The following PHLPP2 variants were observed in gnomAD, a reference collection of about 807,000 sequenced individuals.
PHLPP2 encodes the protein PH domain and leucine rich repeat protein phosphatase 2, also known as PH domain leucine-rich repeat-containing protein phosphatase 2.
PHLPP2 carries 66 observed loss-of-function variants against 124.9 expected under a neutral mutation model. The ratio of observed to expected loss-of-function variants is 0.53; its 90% CI spans 0.43 to 0.65. The LOEUF is 0.65. Ranked by LOEUF, PHLPP2 falls within the 30% of genes least tolerant of loss-of-function variation. The pLI is 0.00. For synonymous variants in PHLPP2, 681 were observed against 624.7 expected (o/e 1.09, Z -1.34); for missense variants, 1,685 against 1,600.4 (o/e 1.05, Z -0.90).
intron 2 of PHLPP2, among the ~76,000 whole-genome samples, chr16:71,711,059 G>C (rs2045320488): frequency 6.6e-6 from 1 of 152,186 alleles, no homozygotes. Context: ...GCCGGGCACG[G>C]TGGCTCATGC....
intron 12 of PHLPP2, 48 bp from the exon 13 acceptor site, chr16:71,664,147 C>A (rs1462939577): frequency 7.8e-7 from 1 of 1,279,458 alleles, no homozygotes. Flanking sequence ...TTATTTGCTG[C>A]CTTCCTATAT....
At chr16:71,708,255 G>A (rs182067887) in intron 2 of PHLPP2, among the ~76,000 whole-genome samples, 54 of 152,262 alleles carry the variant, frequency 3.5e-4, no homozygotes, top group Admixed American at 7.2e-4. Flanking sequence ...CAGATGGCCT[G>A]AGGCAACTGA....
rs376659744 is a variant in PHLPP2 at position 71,669,339 on chromosome 16, A to G, written c.1564T>C (p.Cys522Arg). Reference protein sequence around the residue: ...NLLECVPDWACEAKKIEVLDV... With the variant: ...NLLECVPDWAREAKKIEVLDV... ...AATACTTCTATCTTCTTTGCTTCACAGGCCCAGTCAGGGACACACTCTAGC... is the reference window on the plus strand; with the variant it reads ...AATACTTCTATCTTCTTTGCTTCACGGGCCCAGTCAGGGACACACTCTAGC... The change falls in exon 11 of 19, where the codon TGT becomes CGT. Residue 522 changes from cysteine (C) to arginine (R), a missense_variant. By Grantham distance (180) the Cys-to-Arg change is radical. Transcript: ENST00000568954. 8 of 1,612,068 alleles carry G rather than the reference A, an allele frequency of 5.0e-6. No homozygotes were observed. In the African/African-American group the frequency reaches 9.3e-5, roughly 19 times the overall value.
chr16:71,648,885 G>A lies in PHLPP2; in HGVS notation c.*5C>T, dbSNP rs1567610024. On this transcript the variant is annotated 3_prime_UTR_variant, in exon 19 of 19. Coordinates refer to ENST00000568954, the MANE Select transcript of PHLPP2 (RefSeq NM_015020.3). ...CCTCCTCCCACACTGTGCCCAGTGG[G>A]GCAGTCATAGTGCTGTGTCGAACTC... The A allele has an allele frequency of 1.2e-6, 2 of 1,606,712 alleles. No homozygotes were observed. Among genetic ancestry groups the A allele is most frequent in the Non-Finnish European group, 8.5e-7 (1 of 1,175,288 alleles).
At chr16:71,688,426 A>C (rs1284233864) in intron 4 of PHLPP2, among the ~76,000 whole-genome samples, 1 of 152,196 alleles carries the variant, frequency 6.6e-6, no homozygotes, top group Non-Finnish European at 1.5e-5. Flanking sequence ...GCTCTTTCAT[A>C]GGCAGATATT....
chr16:71,671,079 T>C (rs2044888701), intron 10 of PHLPP2, among the ~76,000 whole-genome samples: 1 of 152,130 alleles, frequency 6.6e-6, no homozygotes, highest in Non-Finnish European at 1.5e-5. Context: ...TTTGAGTTTG[T>C]AGTGGTGTCT....
intron 14 of PHLPP2, 46 bp downstream of exon 14, chr16:71,658,607 C>T: frequency 6.4e-7 from 1 of 1,563,770 alleles, no homozygotes; most frequent in South Asian, 1.2e-5. Flanking sequence ...ATTCACTCTC[C>T]TGCCATTTCC....
intron 3 of PHLPP2, among the ~76,000 whole-genome samples, chr16:71,697,803 C>G (rs543179283): frequency 6.8e-6 from 1 of 146,526 alleles, no homozygotes; most frequent in Admixed American, 6.9e-5. Context: ...TTTGCTCTTT[C>G]TCTCTCTCTC....
chr16:71,689,785 G>C (rs533992804), intron 4 of PHLPP2, among the ~76,000 whole-genome samples: 1 of 152,218 alleles, frequency 6.6e-6, no homozygotes, highest in Admixed American at 6.5e-5. Flanking sequence ...GAGTAGCTGG[G>C]ATTACAGGCA....
chr16:71,655,437 A>C lies in PHLPP2; in HGVS notation c.2391-3T>G. Reference sequence around the variant, plus strand: ...TAGCAAGTGCTGAGACACACAGCCTATAATAGAAACATGAAAACAGAAAAC... The same window carrying C: ...TAGCAAGTGCTGAGACACACAGCCTCTAATAGAAACATGAAAACAGAAAAC... On this transcript the variant is annotated splice_polypyrimidine_tract_variant and splice_region_variant and intron_variant, in intron 16 of 18. Coordinates refer to ENST00000568954, the MANE Select transcript of PHLPP2 (RefSeq NM_015020.3). 6.2e-7 allele frequency: 1 copy of C among 1,601,974 alleles called. No individual in the cohort carries two copies.
chr16:71,703,187 G>C (rs937877746), intron 2 of PHLPP2, among the ~76,000 whole-genome samples: 1 of 152,052 alleles, frequency 6.6e-6, no homozygotes, highest in Admixed American at 6.6e-5. Context: ...CCTAGGTCAA[G>C]TTTTTCTTTA....
rs1169106943 is a variant in PHLPP2 at position 71,647,853 on chromosome 16, T to G, written c.*1037A>C. The G allele has an allele frequency of 6.6e-6, 1 of 152,528 alleles. No homozygotes were observed. Among genetic ancestry groups the G allele is most frequent in the Admixed American group, 6.5e-5 (1 of 15,284 alleles). 9.4% of individuals were successfully genotyped at this position (152,528 alleles called of 1,614,324 possible). A position where few individuals can be genotyped will look rare whatever the true frequency, so the allele number is the denominator to read the frequency against. Reference sequence around the variant, plus strand: ...TCTCAGGAGCTTTCACAGTCTGACATCCAAAAGTTAAATCAACTTCACAGG... The same window carrying G: ...TCTCAGGAGCTTTCACAGTCTGACAGCCAAAAGTTAAATCAACTTCACAGG... On this transcript the variant is annotated 3_prime_UTR_variant, in exon 19 of 19. Transcript: ENST00000568954.
chr16:71,655,393 C>A lies in PHLPP2; in HGVS notation c.2432G>T (p.Gly811Val). Residue 811 changes from glycine to valine, a missense_variant, in exon 17 of 19, where the codon GGG (glycine) becomes GTG (valine). By Grantham distance (109) the Gly-to-Val change is moderately radical. Transcript: ENST00000568954. ...AAACATGCCATACACAGCTCCCACC[C>A]CCTCTGCAAAGCTATCCATAGCAAG... ...SALAMDSFAE[G>V]VGAVYGMFDG... The A allele has an allele frequency of 6.2e-7, 1 of 1,614,132 alleles. No individual in the cohort carries two copies. Among genetic ancestry groups the A allele is most frequent in the Non-Finnish European group, 8.5e-7 (1 of 1,179,990 alleles).
chr16:71,697,586 C>T (rs989447303), intron 3 of PHLPP2, among the ~76,000 whole-genome samples: 2 of 152,080 alleles, frequency 1.3e-5, no homozygotes, highest in East Asian at 1.9e-4. Context: ...TGGAAATATA[C>T]GATGTAATTC....
intron 13 of PHLPP2, among the ~76,000 whole-genome samples, chr16:71,662,725 A>G (rs1850342207): frequency 1.3e-5 from 2 of 152,152 alleles, no homozygotes; most frequent in South Asian, 2.1e-4. Context: ...TTCTGGTGTT[A>G]AATTTTCCAG....
At position 71,648,854 on chromosome 16, in the gene PHLPP2, G is replaced by A; in HGVS notation, c.*36C>T. The A allele has an allele frequency of 6.6e-7, 1 of 1,517,768 alleles. No individual in the cohort carries two copies. The highest frequency in any genetic ancestry group is 9.1e-7 in the Non-Finnish European group (1 of 1,098,754). The allele number at this position is 1,517,768 out of a possible 1,614,324, so 94.0% of individuals were successfully genotyped here. ...TCTAGCAAGTCCCTACCCCAACCCT[G>A]CACAGCCTCCTCCCACACTGTGCCC... is the stretch of plus-strand genomic sequence containing the variant. On this transcript the variant is annotated 3_prime_UTR_variant, in exon 19 of 19. Transcript: ENST00000568954.
intron 6 of PHLPP2, among the ~76,000 whole-genome samples, chr16:71,680,235 C>T (rs979128023): frequency 3.3e-5 from 5 of 152,178 alleles, no homozygotes; most frequent in African/African-American, 9.7e-5. Context: ...AATTAATCAA[C>T]TCATAGACAG....
At chr16:71,721,258 T>C (rs971385921) in intron 1 of PHLPP2, among the ~76,000 whole-genome samples, 1 of 151,410 alleles carries the variant, frequency 6.6e-6, no homozygotes, top group Admixed American at 6.6e-5. Flanking sequence ...ACTTGAGCCA[T>C]GATCGCGCCA....
At chr16:71,667,929 C>A (rs2044853191) in intron 11 of PHLPP2, among the ~76,000 whole-genome samples, 1 of 152,136 alleles carries the variant, frequency 6.6e-6, no homozygotes, top group South Asian at 2.1e-4. Context: ...ACATTTTATA[C>A]CTCAATGCTT....
Sources: allele counts gnomAD v4.1 joint callset (sites outside exome capture counted in the v4.1 genomes callset), GRCh38; gene constraint gnomAD v4.1.1; transcripts MANE v1.5; gene names NCBI Gene and HGNC (gene_info 2026-07-23, HGNC 2026-07-21).